Variants in RAB3GAP1 observed in about 807,000 individuals in gnomAD.
RAB3GAP1 encodes RAB3 GTPase activating protein catalytic subunit 1.
A neutral mutation model predicts 130.7 loss-of-function variants in RAB3GAP1; 86 were observed. The observed-to-expected ratio is 0.66, with a 90% CI of 0.55 to 0.79. RAB3GAP1 has a LOEUF of 0.79. RAB3GAP1 is among the 30% of genes least tolerant of loss of function. The pLI is 0.00. For synonymous variants in RAB3GAP1, 367 were observed against 401.7 expected, an observed-to-expected ratio of 0.91 and a Z score of 1.03; for missense variants, 1,029 against 1,169.4, an observed-to-expected ratio of 0.88 and a Z score of 1.75.
At chr2:135,135,190 T>G in intron 15 of RAB3GAP1, 75 bp from the exon 16 acceptor site, 1 of 1,153,772 alleles carries the variant, frequency 8.7e-7, no homozygotes. Flanking sequence ...AAAATTATGG[T>G]AGTATAGAAA....
At chr2:135,101,226 AATAC>A (rs1173787156) in intron 5 of RAB3GAP1, among the ~76,000 whole-genome samples, 28 of 152,186 alleles carry the variant, frequency 1.8e-4, no homozygotes, top group Non-Finnish European at 3.7e-4. Context: ...ATTGTTAATA[AATAC>A]ATTTCTCAAA....
intron 5 of RAB3GAP1, among the ~76,000 whole-genome samples, chr2:135,112,846 A>ACACACACACAC (rs1690852423): frequency 6.6e-6 from 1 of 151,280 alleles, no homozygotes; most frequent in Non-Finnish European, 1.5e-5. Flanking sequence ...ACACACACAC[A>ACACACACACAC]CACACACACA....
chr2:135,097,524 C>T (rs1423081392), intron 5 of RAB3GAP1, among the ~76,000 whole-genome samples: 5 of 152,120 alleles, frequency 3.3e-5, no homozygotes, highest in Non-Finnish European at 7.4e-5. Flanking sequence ...CCTGACCACA[C>T]TCTCGACATC....
intron 5 of RAB3GAP1, among the ~76,000 whole-genome samples, chr2:135,099,568 T>A (rs888318778): frequency 2.0e-4 from 30 of 152,048 alleles, no homozygotes; most frequent in African/African-American, 7.2e-4. Context: ...TTCTCCTGCT[T>A]TGGTTTTGGT....
rs777340369 is a variant in RAB3GAP1 at position 135,140,361 on chromosome 2, C to A, written c.1923+4429C>A. ...TTGAACTAGTTAACCTTCTCACCAA[C>A]AATTTATAGTAGTATAGTTATTCTA... On this transcript the variant is annotated intron_variant, in intron 17 of 23. Coordinates refer to ENST00000264158, the MANE Select transcript of RAB3GAP1 (RefSeq NM_012233.3). 6.0e-4 allele frequency among the ~76,000 whole-genome samples: 92 copies of A among 152,306 alleles called. 1 individual carries two copies. Among genetic ancestry groups the A allele is most frequent in the Non-Finnish European group, 1.0e-3 (69 of 68,032 alleles).
At chr2:135,141,988 TTGTTA>T (rs1691857279) in intron 17 of RAB3GAP1, among the ~76,000 whole-genome samples, 1 of 152,252 alleles carries the variant, frequency 6.6e-6, no homozygotes, top group Non-Finnish European at 1.5e-5. Context: ...TCTTCTAACT[TTGTTA>T]CTCTTCAACA....
chr2:135,089,288 C>T (rs1205568002), intron 3 of RAB3GAP1, among the ~76,000 whole-genome samples: 1 of 152,072 alleles, frequency 6.6e-6, no homozygotes, highest in African/African-American at 2.4e-5. Flanking sequence ...GTTTTGGTTA[C>T]TGTAGCCTTG....
chr2:135,113,329 A>G lies in RAB3GAP1; in HGVS notation c.482+59A>G. Reference sequence around the variant, plus strand: ...AACTGTTTTTAACAATAATTTATGAAGGCAAACAGTTATTAAATGTTAGCT... The same window carrying G: ...AACTGTTTTTAACAATAATTTATGAGGGCAAACAGTTATTAAATGTTAGCT... On this transcript the variant is annotated intron_variant, in intron 6 of 23. Coordinates refer to ENST00000264158, the MANE Select transcript of RAB3GAP1 (RefSeq NM_012233.3). 2.5e-6 allele frequency: 4 copies of G among 1,580,548 alleles called. No homozygotes were observed. The South Asian group carries it at 4.4e-5, about 18-fold the overall frequency.
At chr2:135,117,991 T>C (rs1314696178) in intron 7 of RAB3GAP1, among the ~76,000 whole-genome samples, 2 of 152,096 alleles carry the variant, frequency 1.3e-5, no homozygotes, top group East Asian at 3.9e-4. Flanking sequence ...TATTTGGGAC[T>C]ATAGGTGTGT....
chr2:135,061,441 T>C (rs1396741866), intron 3 of RAB3GAP1, among the ~76,000 whole-genome samples: 1 of 152,232 alleles, frequency 6.6e-6, no homozygotes, highest in East Asian at 1.9e-4. Flanking sequence ...ATCAGTTGTT[T>C]GCAGTCATGT....
chr2:135,143,048 A>C (rs1691890632), intron 17 of RAB3GAP1, among the ~76,000 whole-genome samples: 2 of 152,072 alleles, frequency 1.3e-5, no homozygotes, highest in Non-Finnish European at 2.9e-5. Flanking sequence ...TCACCAGTGA[A>C]ACCACTCAGA....
intron 5 of RAB3GAP1, among the ~76,000 whole-genome samples, chr2:135,110,332 G>A (rs1690762186): frequency 6.6e-6 from 1 of 151,964 alleles, no homozygotes; most frequent in Admixed American, 6.6e-5. Context: ...AGTGGGTCTT[G>A]CTATGTTGCC....
chr2:135,124,899 C>T (rs1415823749), intron 9 of RAB3GAP1, among the ~76,000 whole-genome samples: 2 of 152,070 alleles, frequency 1.3e-5, no homozygotes, highest in Non-Finnish European at 2.9e-5. Flanking sequence ...AAAATATTTA[C>T]TCTCTGGCTC....
chr2:135,092,791 A>C (rs1690185703), intron 4 of RAB3GAP1, among the ~76,000 whole-genome samples: 1 of 152,180 alleles, frequency 6.6e-6, no homozygotes, highest in Non-Finnish European at 1.5e-5. Context: ...GTACATATAA[A>C]GTGCAGTTTT....
At chr2:135,107,994 A>C (rs1445112078) in intron 5 of RAB3GAP1, among the ~76,000 whole-genome samples, 1 of 151,002 alleles carries the variant, frequency 6.6e-6, no homozygotes. Context: ...AAAAAAAAAA[A>C]AAAAAAAACT....
At position 135,115,336 on chromosome 2, in the gene RAB3GAP1, G is replaced by C. The variant is rs1437880900; in HGVS notation, c.603G>C (p.Gln201His). ...TTCATCTTAGAAAAGTGCCAAATCA[G>C]TACACTCACTTATCAGGTCTGCTGG... ...EMVHLRKVPN[Q>H]YTHLSGLLDI... is the part of the protein sequence containing the mutation. The change falls in exon 7 of 24, where the codon CAG becomes CAC. Residue 201 changes from glutamine (Q) to histidine (H), a missense_variant. This residue lies in a region of RAB3GAP1 where 510 missense variants were observed against 532.1 expected (regional missense o/e 0.96). Transcript: ENST00000264158. 2 of 1,613,688 alleles carry C rather than the reference G, an allele frequency of 1.2e-6. No homozygotes were observed. Among genetic ancestry groups the C allele is most frequent in the Non-Finnish European group, 1.7e-6 (2 of 1,179,762 alleles).
At chr2:135,173,592 C>T (rs767160920), downstream of RAB3GAP1, among the ~76,000 whole-genome samples, 22 of 152,178 alleles carry the variant, frequency 1.4e-4, no homozygotes, top group Non-Finnish European at 2.5e-4. Context: ...AAGGGGCTGC[C>T]TCGAGGGCAG....
rs190034544 is a variant in RAB3GAP1 at position 135,137,288 on chromosome 2, G to A, written c.1923+1356G>A. On this transcript the variant is annotated intron_variant, in intron 17 of 23. Transcript: ENST00000264158. ...AGGTATTGGCGTATTCCACACATCT[G>A]TACTATTCTTGAGTATGATCGCTTA... is the stretch of plus-strand genomic sequence containing the variant. 9.3e-6 allele frequency: 3 copies of A among 322,882 alleles called. No homozygotes were observed. In the East Asian group the frequency reaches 2.7e-4, roughly 29 times the overall value. 20.0% of individuals were successfully genotyped at this position (322,882 alleles called of 1,614,324 possible).
chr2:135,151,812 C>T lies in RAB3GAP1; in HGVS notation c.2061+1306C>T, dbSNP rs1692182300. ...AATTTTCCATCTGACCTCTAGCTGC[C>T]TTCAGAGTCATCTTTCCCTGTCCTG... On this transcript the variant is annotated intron_variant, in intron 18 of 23. Transcript: ENST00000264158. Among the ~76,000 whole-genome samples the T allele has an allele frequency of 2.6e-5, 4 of 152,338 alleles. No homozygotes were observed. The South Asian group carries it at 6.2e-4, about 24-fold the overall frequency.
Sources: allele counts gnomAD v4.1 joint callset (sites outside exome capture counted in the v4.1 genomes callset), GRCh38; gene constraint gnomAD v4.1.1; regional missense constraint gnomAD v4.1.1; transcripts MANE v1.5; gene names NCBI Gene and HGNC (gene_info 2026-07-23, HGNC 2026-07-21).